Variants in ALOX5 observed in about 807,000 individuals in gnomAD.
ALOX5 encodes the protein polyunsaturated fatty acid 5-lipoxygenase.
Under a neutral mutation model 87.9 loss-of-function variants are expected in ALOX5, and 64 were observed. That is an observed-to-expected ratio of 0.73 (90% CI 0.60 to 0.90). ALOX5 has a LOEUF of 0.90. Ranked by LOEUF, ALOX5 falls within the 40% of genes least tolerant of loss-of-function variation. The pLI, the probability that ALOX5 is intolerant of heterozygous loss-of-function variation, is 0.00. For missense variants in ALOX5, 822 were observed against 907.5 expected (o/e 0.91, Z 1.21); for synonymous variants, 388 against 355.1 (o/e 1.09, Z -1.04).
intron 8 of ALOX5, among the ~76,000 whole-genome samples, 171 bp from the exon 9 acceptor site, chr10:45,441,173 G>A (rs1164876647): frequency 1.3e-5 from 2 of 152,152 alleles, no homozygotes; most frequent in Non-Finnish European, 2.9e-5. Context: ...CATCAGAGGG[G>A]TGCAGGCCTC....
chr10:45,439,379 T>C (rs1842152943), intron 7 of ALOX5, among the ~76,000 whole-genome samples: 1 of 152,208 alleles, frequency 6.6e-6, no homozygotes, highest in African/African-American at 2.4e-5. Flanking sequence ...GACACTGGTC[T>C]TTCCCAGCAC....
chr10:45,378,970 T>A (rs1839730002), intron 1 of ALOX5, among the ~76,000 whole-genome samples: 1 of 152,114 alleles, frequency 6.6e-6, no homozygotes, highest in African/African-American at 2.4e-5. Context: ...CTCCACCAGG[T>A]GCCTGCAGGT....
intron 4 of ALOX5, among the ~76,000 whole-genome samples, chr10:45,423,408 G>A (rs1046980566): frequency 7.2e-5 from 11 of 152,222 alleles, no homozygotes; most frequent in African/African-American, 2.7e-4. Context: ...GGAAGCCTGG[G>A]AAGTCTCTCC....
chr10:45,419,808 A>G lies in ALOX5; in HGVS notation c.555-4233A>G, dbSNP rs748810790. On this transcript the variant is annotated intron_variant, in intron 4 of 13. Coordinates refer to ENST00000374391, the MANE Select transcript of ALOX5 (RefSeq NM_000698.5). ...AGGAAGGCTGCGGAGGGGCCAGGCC[A>G]GGAGAGAAGGGCCCTGAGCTCAGTG... 6.6e-5 allele frequency among the ~76,000 whole-genome samples: 10 copies of G among 152,210 alleles called. No homozygotes were observed. In the East Asian group the frequency reaches 7.7e-4, roughly 12 times the overall value.
intron 4 of ALOX5, among the ~76,000 whole-genome samples, chr10:45,415,367 T>C (rs1388396787): frequency 6.6e-6 from 1 of 151,904 alleles, no homozygotes; most frequent in African/African-American, 2.4e-5. Flanking sequence ...TTCTCACTCA[T>C]AGGTGGGAAT....
intron 4 of ALOX5, among the ~76,000 whole-genome samples, chr10:45,422,662 G>A (rs1841544306): frequency 6.6e-6 from 1 of 152,198 alleles, no homozygotes; most frequent in Admixed American, 6.5e-5. Flanking sequence ...TTGCACTTAA[G>A]CTGCAGTAAG....
intron 1 of ALOX5, 84 bp from the exon 2 acceptor site, chr10:45,382,399 A>C (rs1415086873): frequency 1.2e-5 from 18 of 1,451,290 alleles, no homozygotes; most frequent in Non-Finnish European, 1.7e-5. Context: ...ACAGCAGCAT[A>C]CCTTGGGGTG....
At chr10:45,417,678 G>A (rs560224781) in intron 4 of ALOX5, among the ~76,000 whole-genome samples, 1 of 152,342 alleles carries the variant, frequency 6.6e-6, no homozygotes, top group South Asian at 2.1e-4. Flanking sequence ...GCAGGTGAGA[G>A]CCCAGATGTC....
chr10:45,417,833 C>G (rs1217738819), intron 4 of ALOX5, among the ~76,000 whole-genome samples: 1 of 152,120 alleles, frequency 6.6e-6, no homozygotes, highest in East Asian at 1.9e-4. Context: ...TTTCCTTTGC[C>G]ACACCCACCC....
In ALOX5 at chr10:45,382,688, A is replaced by G. The variant is rs183740353; in HGVS notation, c.349+7A>G. ...GTCCTGAGGGATGGACGCGGTGAGC[A>G]GCTCAGGCCCCTTCTGCCCCGGGCT... is the stretch of plus-strand genomic sequence containing the variant. On this transcript the variant is annotated splice_region_variant and intron_variant, in intron 2 of 13. Transcript: ENST00000374391. The G allele has an allele frequency of 1.2e-5, 20 of 1,610,128 alleles. No individual in the cohort carries two copies. In the East Asian group the frequency reaches 4.2e-4, roughly 34 times the overall value.
rs144514664 is a variant in ALOX5, at chr10:45,395,867, G to C, written c.362G>C (p.Arg121Pro). ...TCTTTCTTTACAGCAAAGTTGGCCC[G>C]AGATGACCAAATTCACATTCTCAAG... ...VLRDGRAKLARDDQIHILKQH... is the reference protein window; with the variant it reads ...VLRDGRAKLAPDDQIHILKQH... Residue 121 changes from arginine to proline, a missense_variant, in exon 3 of 14, where the codon CGA becomes CCA. Physicochemically the swap from Arg to Pro is moderately radical, Grantham distance 103. Coordinates refer to ENST00000374391, the MANE Select transcript of ALOX5 (RefSeq NM_000698.5). 1.3e-5 allele frequency: 21 copies of C among 1,614,200 alleles called. No individual in the cohort carries two copies. The Admixed American group carries it at 2.5e-4, about 19-fold the overall frequency.
At chr10:45,424,660 C>T (rs1841629988) in intron 5 of ALOX5, among the ~76,000 whole-genome samples, 2 of 152,114 alleles carry the variant, frequency 1.3e-5, no homozygotes, top group African/African-American at 4.8e-5. Context: ...TGGCAAACTG[C>T]CCCCAGGGAC....
At chr10:45,394,139 A>G (rs1392436916) in intron 2 of ALOX5, among the ~76,000 whole-genome samples, 2 of 152,248 alleles carry the variant, frequency 1.3e-5, no homozygotes, top group East Asian at 3.8e-4. Context: ...AAGAGCCCGC[A>G]TTGCCAAGAC....
At chr10:45,416,534 G>A (rs72796469) in intron 4 of ALOX5, among the ~76,000 whole-genome samples, 8 of 152,328 alleles carry the variant, frequency 5.3e-5, no homozygotes, top group Non-Finnish European at 1.2e-4. Context: ...GACCAGGATG[G>A]GACAGGCAGG....
At chr10:45,423,998 G>C (rs1841599498) in intron 4 of ALOX5, 43 bp from the exon 5 acceptor site, 1 of 1,483,432 alleles carries the variant, frequency 6.7e-7, no homozygotes, top group African/African-American at 1.4e-5. Flanking sequence ...GCAGAGGGAG[G>C]CATGGCTAGT....
intron 7 of ALOX5, among the ~76,000 whole-genome samples, chr10:45,433,582 G>A (rs1385827492): frequency 6.6e-6 from 1 of 152,190 alleles, no homozygotes; most frequent in East Asian, 1.9e-4. Flanking sequence ...TGAATTTCAG[G>A]AATTGCAGAA....
chr10:45,410,961 C>T (rs1377414268), intron 3 of ALOX5, among the ~76,000 whole-genome samples: 3 of 152,166 alleles, frequency 2.0e-5, no homozygotes, highest in Admixed American at 1.3e-4. Flanking sequence ...ATGGGCTACT[C>T]GACTGAGCAT....
At chr10:45,413,094 A>G (rs1016955975) in intron 4 of ALOX5, among the ~76,000 whole-genome samples, 6 of 152,248 alleles carry the variant, frequency 3.9e-5, no homozygotes, top group African/African-American at 9.6e-5. Context: ...TCATTATATG[A>G]GGCCAGCATC....
At chr10:45,421,312 C>A (rs1375159612) in intron 4 of ALOX5, among the ~76,000 whole-genome samples, 3 of 152,212 alleles carry the variant, frequency 2.0e-5, no homozygotes, top group Admixed American at 2.0e-4. Flanking sequence ...GTCAAACAGA[C>A]CCAGCTGGGT....
Sources: gnomAD v4.1 joint callset for allele counts (sites outside exome capture counted in the v4.1 genomes callset) on GRCh38, gnomAD v4.1.1 for gene constraint, MANE v1.5 for transcripts, NCBI Gene and HGNC (gene_info 2026-07-23, HGNC 2026-07-21) for gene names.